The following SEMA5A variants were observed in gnomAD, a reference collection of about 807,000 sequenced individuals.
SEMA5A encodes semaphorin 5A.
Under a neutral mutation model 135.5 loss-of-function variants are expected in SEMA5A, and 55 were observed. The ratio of observed to expected loss-of-function variants is 0.41; its 90% CI spans 0.33 to 0.51. SEMA5A has a LOEUF of 0.51. SEMA5A is among the 20% of genes least tolerant of loss of function. The pLI is 0.37. For synonymous variants in SEMA5A, 580 were observed against 546.5 expected (o/e 1.06, Z -0.85); for missense variants, 1,290 against 1,419.9 (o/e 0.91, Z 1.47).
chr5:9,319,450 CAG>C (rs961586599), intron 4 of SEMA5A, among the ~76,000 whole-genome samples: 1 of 152,014 alleles, frequency 6.6e-6, no homozygotes, highest in African/African-American at 2.4e-5. Context: ...GTAGAGGACA[CAG>C]AAAAAAGATA....
intron 4 of SEMA5A, among the ~76,000 whole-genome samples, chr5:9,324,986 C>CA (rs1248644197): frequency 2.0e-5 from 3 of 152,206 alleles, no homozygotes; most frequent in Non-Finnish European, 4.4e-5. Flanking sequence ...ATCTTCATAA[C>CA]ACCCCTAGAT....
Position 9,190,322 on chromosome 5 carries a change from T to A in SEMA5A, c.1218A>T (p.Ala406=), listed in dbSNP as rs375904954. The stretch of plus-strand genomic sequence containing the variant: ...CTTCTCTGCCCTGCACCACGTCGAC[T>A]GCCACGTGGGAAAAGCGGCTATTGT... ...MEDNSRFSHV[A]VDVVQGREAL... Residue 406 remains alanine, a synonymous_variant, in exon 11 of 23, where the codon GCA becomes GCT. Coordinates refer to ENST00000382496, the MANE Select transcript of SEMA5A (RefSeq NM_003966.3). The A allele has an allele frequency of 6.2e-7, 1 of 1,614,020 alleles. No individual in the cohort carries two copies. Among genetic ancestry groups the A allele is most frequent in the African/African-American group, 1.3e-5 (1 of 74,918 alleles).
chr5:9,090,654 T>C (rs534986958), intron 16 of SEMA5A, among the ~76,000 whole-genome samples: 11 of 152,170 alleles, frequency 7.2e-5, no homozygotes, highest in Non-Finnish European at 1.6e-4. Flanking sequence ...AAACTACTCA[T>C]GGAGCAGCTA....
At chr5:9,499,023 G>A (rs1355270023) in intron 1 of SEMA5A, among the ~76,000 whole-genome samples, 1 of 152,234 alleles carries the variant, frequency 6.6e-6, no homozygotes, top group Non-Finnish European at 1.5e-5. Context: ...GCAACTATGT[G>A]TGTAAACGCA....
chr5:9,406,267 G>A (rs1756883519), intron 2 of SEMA5A, among the ~76,000 whole-genome samples: 1 of 152,184 alleles, frequency 6.6e-6, no homozygotes, highest in Admixed American at 6.5e-5. Flanking sequence ...TATAATGTGT[G>A]AAATAAAGAA....
intron 6 of SEMA5A, among the ~76,000 whole-genome samples, chr5:9,237,558 A>G (rs1051980917): frequency 6.6e-6 from 1 of 152,234 alleles, no homozygotes; most frequent in African/African-American, 2.4e-5. Flanking sequence ...CTATCAATCA[A>G]TTAATTTCTT....
intron 8 of SEMA5A, among the ~76,000 whole-genome samples, chr5:9,221,079 G>A (rs1746925072): frequency 6.6e-6 from 1 of 152,146 alleles, no homozygotes; most frequent in Non-Finnish European, 1.5e-5. Context: ...CCACCCCATT[G>A]TAGCCTCCTT....
intron 1 of SEMA5A, among the ~76,000 whole-genome samples, chr5:9,480,080 GTGCACTGTAGGACA>G (rs72009943): frequency 0.39 from 58,851 of 151,810 alleles, 11,943 homozygotes; most frequent in Middle Eastern, 0.44. Context: ...GGGCTGCCCT[GTGCACTGTAGGACA>G]TTCACCAGCA....
At chr5:9,258,828 T>TC (rs1749237963) in intron 5 of SEMA5A, among the ~76,000 whole-genome samples, 1 of 144,450 alleles carries the variant, frequency 6.9e-6, no homozygotes, top group African/African-American at 2.6e-5. Flanking sequence ...TTTTTTTTTT[T>TC]CCCTGAGATG....
chr5:9,252,309 C>T (rs1434852187), intron 5 of SEMA5A, among the ~76,000 whole-genome samples: 1 of 152,138 alleles, frequency 6.6e-6, no homozygotes, highest in African/African-American at 2.4e-5. Flanking sequence ...TCGAAAGCTT[C>T]CCCCATTCCC....
At chr5:9,303,216 A>T (rs1041259033) in intron 5 of SEMA5A, among the ~76,000 whole-genome samples, 1 of 151,240 alleles carries the variant, frequency 6.6e-6, no homozygotes, top group South Asian at 2.1e-4. Flanking sequence ...TCCTAGGTTC[A>T]TGCCATTCTC....
intron 1 of SEMA5A, among the ~76,000 whole-genome samples, chr5:9,532,440 CT>C (rs4045370): frequency 0.084 from 10,470 of 125,096 alleles, 329 homozygotes; most frequent in South Asian, 0.12. Context: ...TAATTTTTTT[CT>C]TTTTTTTTTT....
intron 16 of SEMA5A, among the ~76,000 whole-genome samples, chr5:9,078,155 T>C: frequency 6.6e-6 from 1 of 152,168 alleles, no homozygotes; most frequent in East Asian, 1.9e-4. Flanking sequence ...TTCAGATATC[T>C]TTTTCCTAGC....
At chr5:9,117,316 T>C (rs1296809343) in intron 15 of SEMA5A, among the ~76,000 whole-genome samples, 1 of 152,196 alleles carries the variant, frequency 6.6e-6, no homozygotes, top group Admixed American at 6.5e-5. Flanking sequence ...GGTGGTGCCT[T>C]GACTCTAGGG....
intron 1 of SEMA5A, among the ~76,000 whole-genome samples, chr5:9,538,273 C>T (rs1032342249): frequency 7.4e-6 from 1 of 135,910 alleles, no homozygotes; most frequent in African/African-American, 2.7e-5. Flanking sequence ...AAGAGCGGGG[C>T]GGGGGGAGGT....
chr5:9,499,764 C>T lies in SEMA5A; in HGVS notation c.-175+45820G>A, dbSNP rs549512109. 4.4e-4 allele frequency among the ~76,000 whole-genome samples: 67 copies of T among 152,248 alleles called. 1 individual carries two copies. In the South Asian group the frequency reaches 1.0e-2, roughly 23 times the overall value. On this transcript the variant is annotated intron_variant, in intron 1 of 22. Coordinates refer to ENST00000382496, the MANE Select transcript of SEMA5A (RefSeq NM_003966.3). The stretch of plus-strand genomic sequence containing the variant: ...CATCTATACACAGATATTGCTGTTA[C>T]CTTCAAAGTGTCCCAGTCTGGTTGT...
At chr5:9,357,434 A>T (rs373636199) in intron 3 of SEMA5A, among the ~76,000 whole-genome samples, 2 of 152,338 alleles carry the variant, frequency 1.3e-5, no homozygotes, top group Admixed American at 6.5e-5. Flanking sequence ...ATTAGCGAGA[A>T]TTGTTTTCAC....
chr5:9,081,534 TATG>T (rs144184186), intron 16 of SEMA5A, among the ~76,000 whole-genome samples: 15,163 of 152,184 alleles, frequency 0.1, 888 homozygotes, highest in African/African-American at 0.14. Flanking sequence ...ATCCTCTCGC[TATG>T]ATATTTCTCC....
chr5:9,222,668 C>G (rs893376635), intron 8 of SEMA5A, among the ~76,000 whole-genome samples: 1 of 152,208 alleles, frequency 6.6e-6, no homozygotes, highest in Admixed American at 6.5e-5. Context: ...AACATTAATG[C>G]CTTTGTAAAT....
Sources: gnomAD v4.1 joint callset for allele counts (sites outside exome capture counted in the v4.1 genomes callset) on GRCh38, gnomAD v4.1.1 for gene constraint, MANE v1.5 for transcripts, NCBI Gene and HGNC (gene_info 2026-07-23, HGNC 2026-07-21) for gene names.